Variants in RASAL2 observed in about 807,000 individuals in gnomAD.
RASAL2 encodes the protein ras GTPase-activating protein nGAP.
A neutral mutation model predicts 128.9 loss-of-function variants in RASAL2; 58 were observed. The observed-to-expected ratio is 0.45, with a 90% CI of 0.36 to 0.56. The LOEUF (loss-of-function observed/expected upper bound fraction) is 0.56. RASAL2 is among the 20% of genes least tolerant of loss of function. The pLI is 0.00. For synonymous variants in RASAL2, 561 were observed against 580.8 expected (o/e 0.97, Z 0.49); for missense variants, 1,360 against 1,601.6 (o/e 0.85, Z 2.57).
intron 3 of RASAL2, among the ~76,000 whole-genome samples, chr1:178,329,179 T>C (rs1238267835): frequency 6.6e-6 from 1 of 152,092 alleles, no homozygotes; most frequent in Admixed American, 6.6e-5. Context: ...ATATACCGCA[T>C]GGTGATAAAT....
chr1:178,215,347 T>G (rs770347334), intron 1 of RASAL2, among the ~76,000 whole-genome samples: 2 of 152,230 alleles, frequency 1.3e-5, no homozygotes, highest in Non-Finnish European at 2.9e-5. Context: ...AAACCTCCCA[T>G]GGGTTCTCTC....
intron 8 of RASAL2, among the ~76,000 whole-genome samples, 185 bp from the exon 9 acceptor site, chr1:178,445,333 G>A (rs1010199245): frequency 2.0e-5 from 3 of 152,078 alleles, no homozygotes; most frequent in Non-Finnish European, 4.4e-5. Context: ...AATCTTTGAG[G>A]GAATTTTAAA....
At chr1:178,443,624 C>G (rs954645118) in intron 8 of RASAL2, among the ~76,000 whole-genome samples, 1 of 152,106 alleles carries the variant, frequency 6.6e-6, no homozygotes, top group African/African-American at 2.4e-5. Context: ...ACTGTATCCT[C>G]TAGGCACAGA....
intron 1 of RASAL2, among the ~76,000 whole-genome samples, chr1:178,261,620 A>T (rs151257684): frequency 0.01 from 1,553 of 152,276 alleles, 27 homozygotes; most frequent in African/African-American, 0.034. Context: ...ACATAACTGT[A>T]AGGATTAATT....
chr1:178,096,869 A>G, intron 1 of RASAL2, among the ~76,000 whole-genome samples: 1 of 152,170 alleles, frequency 6.6e-6, no homozygotes, highest in East Asian at 1.9e-4. Flanking sequence ...ATATTTCAGA[A>G]CTATTGGAAT....
At chr1:178,332,675 G>A (rs1332457277) in intron 3 of RASAL2, among the ~76,000 whole-genome samples, 3 of 148,114 alleles carry the variant, frequency 2.0e-5, no homozygotes, top group South Asian at 2.2e-4. Context: ...GCGGTGGCGC[G>A]ATCTTGGCTC....
At chr1:178,418,400 CT>C (rs1674912740) in intron 4 of RASAL2, among the ~76,000 whole-genome samples, 2 of 152,092 alleles carry the variant, frequency 1.3e-5, no homozygotes, top group South Asian at 4.2e-4. Flanking sequence ...GACCTTCATC[CT>C]CATCATCTTC....
rs1248010472 is a variant in RASAL2, at chr1:178,477,468, T to C, written c.*4229T>C. On this transcript the variant is annotated 3_prime_UTR_variant, in exon 18 of 18. Transcript: ENST00000367649. ...TTAGGAAGGACAAAAGTGATGAAAT[T>C]TGCATGAGATAGAATAAATATCTTA... The C allele has an allele frequency of 1.3e-5, 2 of 152,180 alleles. No homozygotes were observed. Among genetic ancestry groups the C allele is most frequent in the Admixed American group, 6.5e-5 (1 of 15,282 alleles). The allele number at this position is 152,180 out of a possible 1,614,324, so 9.4% of individuals were successfully genotyped here.
At position 178,456,834 on chromosome 1, in the gene RASAL2, C is replaced by G. The variant is rs766354539; in HGVS notation, c.2325C>G (p.Ser775=). ...TGAGACGCTTCACTGAACATAACTC[C>G]AGTCCAAATGTCAGTGGAAGCCTCT... is the stretch of plus-strand genomic sequence containing the variant. ...QQLRRFTEHN[S]SPNVSGSLSS... The change falls in exon 13 of 18, where the codon TCC becomes TCG. Residue 775 remains serine (S), a synonymous_variant. Coordinates refer to ENST00000367649, the MANE Select transcript of RASAL2 (RefSeq NM_170692.4). The G allele has an allele frequency of 6.2e-7, 1 of 1,614,206 alleles. No homozygotes were observed. Among genetic ancestry groups the G allele is most frequent in the Non-Finnish European group, 8.5e-7 (1 of 1,180,034 alleles).
At chr1:178,221,856 G>T (rs984527413) in intron 1 of RASAL2, among the ~76,000 whole-genome samples, 2 of 152,150 alleles carry the variant, frequency 1.3e-5, no homozygotes, top group African/African-American at 4.8e-5. Flanking sequence ...TAAGAGGGCT[G>T]TTAAAATTTC....
intron 3 of RASAL2, among the ~76,000 whole-genome samples, chr1:178,321,000 G>T (rs1668744730): frequency 6.6e-6 from 1 of 152,170 alleles, no homozygotes; most frequent in Non-Finnish European, 1.5e-5. Flanking sequence ...TTAGCAGATT[G>T]TGAAAGTTTT....
At chr1:178,387,154 G>A (rs1672624180) in intron 3 of RASAL2, among the ~76,000 whole-genome samples, 1 of 152,158 alleles carries the variant, frequency 6.6e-6, no homozygotes, top group African/African-American at 2.4e-5. Flanking sequence ...TAGCAGGTGA[G>A]TGGTATTATT....
intron 1 of RASAL2, among the ~76,000 whole-genome samples, chr1:178,183,648 G>A (rs1260244170): frequency 2.6e-5 from 4 of 152,116 alleles, no homozygotes; most frequent in Non-Finnish European, 5.9e-5. Context: ...ATTCATCCAT[G>A]TCTTTGTGTG....
intron 5 of RASAL2, among the ~76,000 whole-genome samples, chr1:178,430,136 G>A (rs1046983702): frequency 2.0e-5 from 3 of 151,992 alleles, no homozygotes; most frequent in African/African-American, 7.2e-5. Flanking sequence ...CACATTTGTT[G>A]GCCTGAAACA....
chr1:178,436,533 A>T (rs1237386421), intron 5 of RASAL2, among the ~76,000 whole-genome samples: 1 of 152,114 alleles, frequency 6.6e-6, no homozygotes, highest in East Asian at 1.9e-4. Flanking sequence ...AAATATATGT[A>T]AGCCAGGTAA....
chr1:178,395,615 T>C, intron 4 of RASAL2, among the ~76,000 whole-genome samples: 1 of 152,068 alleles, frequency 6.6e-6, no homozygotes, highest in Non-Finnish European at 1.5e-5. Context: ...TTTCATATTC[T>C]CAGCATTACT....
chr1:178,279,207 AT>A (rs1571766956), intron 1 of RASAL2, among the ~76,000 whole-genome samples: 1 of 152,166 alleles, frequency 6.6e-6, no homozygotes, highest in African/African-American at 2.4e-5. Flanking sequence ...CCTGTTATAT[AT>A]TATAGTTACA....
chr1:178,375,386 A>G lies in RASAL2; in HGVS notation c.458-14714A>G, dbSNP rs1422468114. ...AAGAATGAAAGACCCTTGAGCAAGA[A>G]GAAGATATGATCAAAATAGTTTTTT... On this transcript the variant is annotated intron_variant, in intron 3 of 17. Coordinates refer to ENST00000367649, the MANE Select transcript of RASAL2 (RefSeq NM_170692.4). Among the ~76,000 whole-genome samples, 3 of 152,186 alleles carry G rather than the reference A, an allele frequency of 2.0e-5. No homozygotes were observed. In the South Asian group the frequency reaches 6.2e-4, roughly 31 times the overall value.
At position 178,124,209 on chromosome 1, in the gene RASAL2, TCTGAAGTTCTGTCAAAG is replaced by T. The variant is rs1659811884; in HGVS notation, c.202+29519_202+29535del. Among the ~76,000 whole-genome samples the T allele has an allele frequency of 3.3e-5, 5 of 151,886 alleles. No homozygotes were observed. In the South Asian group the frequency reaches 1.0e-3, roughly 32 times the overall value. ...TTTATGTAGAGAGGATAGGAGAGAG[TCTGAAGTTCTGTCAAAG>T]CTGTTCAATCCTTAGAGTGGTAGTT... On this transcript the variant is annotated intron_variant, in intron 1 of 17. Coordinates refer to ENST00000367649, the MANE Select transcript of RASAL2 (RefSeq NM_170692.4).
Sources: gnomAD v4.1 joint callset for allele counts (sites outside exome capture counted in the v4.1 genomes callset) on GRCh38, gnomAD v4.1.1 for gene constraint, MANE v1.5 for transcripts, NCBI Gene and HGNC (gene_info 2026-07-23, HGNC 2026-07-21) for gene names.